Variants in PPP2R2C observed in about 807,000 individuals in gnomAD.
PPP2R2C encodes the protein protein phosphatase 2, regulatory subunit B, gamma.
PPP2R2C carries 10 observed loss-of-function variants against 45.3 expected under a neutral mutation model. The ratio of observed to expected loss-of-function variants is 0.22; its 90% CI spans 0.14 to 0.37. The LOEUF (loss-of-function observed/expected upper bound fraction) is 0.37, where lower values mean the gene tolerates loss of function less well. Ranked by LOEUF, PPP2R2C falls within the 10% of genes least tolerant of loss-of-function variation. The pLI, the probability that PPP2R2C is intolerant of heterozygous loss-of-function variation, is 1.00. For missense variants in PPP2R2C, 308 were observed against 619.7 expected, an observed-to-expected ratio of 0.50 and a Z score of 5.34; for synonymous variants, 257 against 245.4, an observed-to-expected ratio of 1.05 and a Z score of -0.44.
upstream of PPP2R2C, among the ~76,000 whole-genome samples, chr4:6,475,473 T>A (rs1560575121): frequency 1.3e-5 from 2 of 152,116 alleles, no homozygotes; most frequent in Non-Finnish European, 2.9e-5. Flanking sequence ...ACACTCGCCA[T>A]CTCCTCACTC....
chr4:6,415,967 C>T (rs1718551804), intron 1 of PPP2R2C, among the ~76,000 whole-genome samples: 1 of 152,206 alleles, frequency 6.6e-6, no homozygotes, highest in Non-Finnish European at 1.5e-5. Flanking sequence ...AAACAGAGCA[C>T]CCCAACTCCT....
intron 1 of PPP2R2C, among the ~76,000 whole-genome samples, chr4:6,542,073 A>G (rs1009560139): frequency 1.3e-5 from 2 of 152,268 alleles, no homozygotes; most frequent in African/African-American, 4.8e-5. Context: ...GAAAGACCAC[A>G]GTACCCTCCA....
chr4:6,333,818 C>T, intron 6 of PPP2R2C, 87 bp from the exon 7 acceptor site: 1 of 1,408,668 alleles, frequency 7.1e-7, no homozygotes, highest in East Asian at 2.3e-5. Flanking sequence ...TGCACCTGGG[C>T]CCATGCTCTG....
At chr4:6,541,749 C>T (rs1724809055) in intron 1 of PPP2R2C, among the ~76,000 whole-genome samples, 1 of 152,118 alleles carries the variant, frequency 6.6e-6, no homozygotes, top group African/African-American at 2.4e-5. Flanking sequence ...AGGCTGGTCT[C>T]AAACTCCTAG....
chr4:6,434,800 C>T (rs1007891422), intron 1 of PPP2R2C, among the ~76,000 whole-genome samples: 1 of 150,154 alleles, frequency 6.7e-6, no homozygotes, highest in South Asian at 2.1e-4. Flanking sequence ...GATAAAAAAA[C>T]AGTATCTTAA....
chr4:6,365,504 A>G (rs946266652), intron 5 of PPP2R2C, among the ~76,000 whole-genome samples: 2 of 152,170 alleles, frequency 1.3e-5, no homozygotes, highest in African/African-American at 2.4e-5. Flanking sequence ...ACACACTCCC[A>G]TGGGATAAAG....
chr4:6,389,520 G>C (rs946987935), intron 1 of PPP2R2C, among the ~76,000 whole-genome samples: 6 of 152,188 alleles, frequency 3.9e-5, no homozygotes, highest in Admixed American at 1.3e-4. Flanking sequence ...AAATGTCAGG[G>C]AGAGGAAGAG....
intron 1 of PPP2R2C, among the ~76,000 whole-genome samples, chr4:6,459,717 GC>G (rs954165490): frequency 2.0e-5 from 3 of 152,096 alleles, no homozygotes; most frequent in Admixed American, 1.3e-4. Flanking sequence ...AGCCTGGGAG[GC>G]AGAGGTTGCA....
At position 6,368,768 on chromosome 4, in the gene PPP2R2C, C is replaced by T. The variant is rs185075952; in HGVS notation, c.625+3755G>A. 3.2e-3 allele frequency among the ~76,000 whole-genome samples: 481 copies of T among 152,266 alleles called. 1 individual carries two copies. Among genetic ancestry groups the T allele is most frequent in the African/African-American group, 0.011 (459 of 41,546 alleles). ...GGCCCTGCCTCTCACTCTCTCTCCC[C>T]GGGTCTCCTTGCTGGTTCCCAAGCC... On this transcript the variant is annotated intron_variant, in intron 5 of 8. Transcript: ENST00000382599. This position sits in a 1 kb window ranked among gnomAD's most constrained non-coding sequence, Gnocchi z 4.2.
intron 1 of PPP2R2C, chr4:6,384,826 C>T: frequency 1.0e-6 from 1 of 985,472 alleles, no homozygotes; most frequent in Non-Finnish European, 1.2e-6. Flanking sequence ...GAGGCTCCCT[C>T]CATGAGAGAC....
chr4:6,405,075 C>T (rs1245257572), intron 1 of PPP2R2C, among the ~76,000 whole-genome samples: 2 of 152,212 alleles, frequency 1.3e-5, no homozygotes, highest in Non-Finnish European at 2.9e-5. Flanking sequence ...ATAAGTGGGA[C>T]ATGAGACTGA....
chr4:6,472,301 G>C lies in PPP2R2C; in HGVS notation c.-72C>G. Reference sequence around the variant, plus strand: ...GATGCAATCCGCAGAGGTCGCGCCGGGCGCGCGGGCCATGCCGCCGCAGCC... The same window carrying C: ...GATGCAATCCGCAGAGGTCGCGCCGCGCGCGCGGGCCATGCCGCCGCAGCC... On this transcript the variant is annotated 5_prime_UTR_variant, in exon 1 of 9. Coordinates refer to ENST00000382599, the MANE Select transcript of PPP2R2C (RefSeq NM_020416.4). 6.3e-7 allele frequency: 1 copy of C among 1,590,878 alleles called. No individual in the cohort carries two copies.
chr4:6,415,174 G>A (rs982028879), intron 1 of PPP2R2C, among the ~76,000 whole-genome samples: 1 of 152,218 alleles, frequency 6.6e-6, no homozygotes, highest in Non-Finnish European at 1.5e-5. Flanking sequence ...TCTTGGAGGT[G>A]AATATCGGGG....
At chr4:6,361,802 G>A (rs532878355) in intron 5 of PPP2R2C, among the ~76,000 whole-genome samples, 9 of 152,220 alleles carry the variant, frequency 5.9e-5, no homozygotes, top group Admixed American at 1.3e-4. Context: ...ACAGCACTGA[G>A]AAGGAGCAGA....
intron 1 of PPP2R2C, among the ~76,000 whole-genome samples, chr4:6,403,735 T>C (rs1717603065): frequency 1.3e-5 from 2 of 151,906 alleles, no homozygotes; most frequent in South Asian, 2.1e-4. Context: ...TGGTGGTGGG[T>C]GCCTGTAATC....
chr4:6,514,948 T>A (rs1012990181), intron 2 of PPP2R2C, among the ~76,000 whole-genome samples: 6 of 152,078 alleles, frequency 3.9e-5, no homozygotes, highest in Admixed American at 3.9e-4. Flanking sequence ...CCATGTGGCC[T>A]TCTCCTGGTA....
In PPP2R2C at chr4:6,452,415, C is replaced by T. The variant is rs1008164896; in HGVS notation, c.70+19745G>A. 3.3e-5 allele frequency among the ~76,000 whole-genome samples: 5 copies of T among 152,138 alleles called. No homozygotes were observed. In the East Asian group the frequency reaches 9.7e-4, roughly 29 times the overall value. ...ACTGTCCTAGGTCTTTGTGGGATCC[C>T]GTCTGGGGCCTGGACCCTCACACCT... On this transcript the variant is annotated intron_variant, in intron 1 of 8. Coordinates refer to ENST00000382599, the MANE Select transcript of PPP2R2C (RefSeq NM_020416.4).
rs1242711583 is a variant in PPP2R2C, at chr4:6,323,513, G to A, written c.1133C>T (p.Ser378Leu). Reference protein sequence around the residue: ...NTKRDVTLEASRESSKPRAVL... With the variant: ...NTKRDVTLEALRESSKPRAVL... Reference sequence around the variant, plus strand: ...AGCCCGGGGCTTGCTGCTTTCCCTCGAGGCCTCCAGGGTCACGTCCCGCTT... The same window carrying A: ...AGCCCGGGGCTTGCTGCTTTCCCTCAAGGCCTCCAGGGTCACGTCCCGCTT... Residue 378 changes from serine to leucine, a missense_variant, in exon 9 of 9, where the codon TCG (serine) becomes TTG (leucine). By Grantham distance (145) the Ser-to-Leu change is moderately radical. Transcript: ENST00000382599. 7 of 1,606,224 alleles carry A rather than the reference G, an allele frequency of 4.4e-6. 1 individual carries two copies. Among genetic ancestry groups the A allele is most frequent in the South Asian group, 3.3e-5 (3 of 90,874 alleles).
chr4:6,459,836 A>G (rs185343914), intron 1 of PPP2R2C, among the ~76,000 whole-genome samples: 7 of 152,300 alleles, frequency 4.6e-5, no homozygotes, highest in Middle Eastern at 3.4e-3. Context: ...CAAATATTAA[A>G]TATGTTGGAT....
Sources: gnomAD v4.1 joint callset for allele counts (sites outside exome capture counted in the v4.1 genomes callset) on GRCh38, gnomAD v4.1.1 for gene constraint, Gnocchi (gnomAD v3.1) non-coding constraint, MANE v1.5 for transcripts, NCBI Gene and HGNC (gene_info 2026-07-23, HGNC 2026-07-21) for gene names.